The following SPAG1 variants were observed in gnomAD, a reference collection of about 807,000 sequenced individuals.
SPAG1 encodes sperm-associated antigen 1.
SPAG1 carries 69 observed loss-of-function variants against 100.5 expected under a neutral mutation model. The observed-to-expected ratio is 0.69, with a 90% CI of 0.57 to 0.84. SPAG1 has a LOEUF of 0.84. Ranked by LOEUF, SPAG1 falls within the 40% of genes least tolerant of loss-of-function variation. SPAG1 has a pLI of 0.00. For missense variants in SPAG1, 955 were observed against 1,133.1 expected, an observed-to-expected ratio of 0.84 and a Z score of 2.26; for synonymous variants, 336 against 411.6, an observed-to-expected ratio of 0.82 and a Z score of 2.22.
In SPAG1 at chr8:100,240,526, A is replaced by G; in HGVS notation, c.2404A>G (p.Lys802Glu). 6.2e-7 allele frequency: 1 copy of G among 1,614,188 alleles called. No homozygotes were observed. The highest frequency in any genetic ancestry group is 8.5e-7 in the Non-Finnish European group (1 of 1,180,008). ...AGACCCTGAGAAACTTCCGATAGCC[A>G]AGCCTAATAATGCCTATGAATTTGG... ...PEDPEKLPIA[K>E]PNNAYEFGQI... Residue 802 changes from lysine to glutamate, a missense_variant, in exon 18 of 19, where the codon AAG (lysine) becomes GAG (glutamate). Physicochemically the swap from Lys to Glu is moderately conservative, Grantham distance 56. Transcript: ENST00000388798.
intron 4 of SPAG1, among the ~76,000 whole-genome samples, 162 bp downstream of exon 4, chr8:100,178,103 G>A (rs778623918): frequency 4.0e-4 from 61 of 152,162 alleles, no homozygotes; most frequent in Non-Finnish European, 6.3e-4. Flanking sequence ...GAACTATCAC[G>A]TTCTTTACTG....
intron 10 of SPAG1, chr8:100,194,624 G>A: frequency 2.4e-6 from 1 of 413,548 alleles, no homozygotes; most frequent in Non-Finnish European, 4.2e-6. Flanking sequence ...AAATGTGTTG[G>A]TTTCAAAACA....
intron 5 of SPAG1, 81 bp from the exon 6 acceptor site, chr8:100,183,875 A>G (rs922527026): frequency 1.4e-6 from 1 of 693,620 alleles, no homozygotes; most frequent in African/African-American, 1.9e-5. Flanking sequence ...GCATACTTGT[A>G]CAAATATAAG....
Position 100,183,386 on chromosome 8 carries a change from TA to T in SPAG1, c.442del (p.Arg148AspfsTer24). On this transcript the variant is annotated frameshift_variant, in exon 5 of 19. Transcript: ENST00000388798. LOFTEE classifies it high-confidence loss of function. ...TTTTATTCTTTTAGGAAAAATATTC[TA>T]AAAGACCAACTAAAAAGAAAACTCC... ...CLHVGKEKYS[K>X]RPTKKKTPRD... The T allele has an allele frequency of 7.1e-7, 1 of 1,401,792 alleles. No individual in the cohort carries two copies. The highest frequency in any genetic ancestry group is 1.0e-6 in the Non-Finnish European group (1 of 997,868). 86.8% of individuals were successfully genotyped at this position (1,401,792 alleles called of 1,614,324 possible). A position where few individuals can be genotyped will look rare whatever the true frequency, so the allele number is the denominator to read the frequency against.
At chr8:100,188,860 C>T (rs1035816131) in intron 8 of SPAG1, among the ~76,000 whole-genome samples, 15 of 152,150 alleles carry the variant, frequency 9.9e-5, no homozygotes, top group Middle Eastern at 3.2e-3. Flanking sequence ...ATGGATTGCC[C>T]TCCATTTACC....
intron 12 of SPAG1, among the ~76,000 whole-genome samples, chr8:100,216,096 A>T (rs1367354012): frequency 6.6e-6 from 1 of 152,170 alleles, no homozygotes; most frequent in African/African-American, 2.4e-5. Context: ...CCATGAAATG[A>T]GCAAATGCCA....
intron 1 of SPAG1, among the ~76,000 whole-genome samples, chr8:100,160,650 GT>G (rs1213838776): frequency 6.6e-6 from 1 of 151,606 alleles, no homozygotes; most frequent in Non-Finnish European, 1.5e-5. Context: ...AAAAGGAGAG[GT>G]ATGTACAGAG....
intron 10 of SPAG1, among the ~76,000 whole-genome samples, chr8:100,206,017 CAA>C (rs574907013): frequency 3.9e-4 from 30 of 77,326 alleles, no homozygotes; most frequent in African/African-American, 1.5e-3. Context: ...GACTCTGTCT[CAA>C]AAAAAAAAAA....
intron 3 of SPAG1, among the ~76,000 whole-genome samples, chr8:100,173,725 A>G (rs1431926794): frequency 1.3e-5 from 2 of 152,224 alleles, no homozygotes; most frequent in Non-Finnish European, 2.9e-5. Context: ...AATTTACAGT[A>G]TAAGAAGAGA....
intron 10 of SPAG1, among the ~76,000 whole-genome samples, chr8:100,197,169 A>G (rs977152017): frequency 2.6e-5 from 4 of 152,116 alleles, no homozygotes; most frequent in African/African-American, 9.7e-5. Context: ...GAAAGAATAT[A>G]ATTTTTAAGC....
intron 3 of SPAG1, among the ~76,000 whole-genome samples, chr8:100,168,237 T>A (rs1815651532): frequency 6.6e-6 from 1 of 152,190 alleles, no homozygotes; most frequent in Admixed American, 6.5e-5. Context: ...GTCCGTTTTG[T>A]TAGTTTTAGC....
At chr8:100,197,236 T>TA (rs1364888821) in intron 10 of SPAG1, among the ~76,000 whole-genome samples, 3 of 152,110 alleles carry the variant, frequency 2.0e-5, no homozygotes, top group African/African-American at 7.2e-5. Flanking sequence ...GAGGGTTGCT[T>TA]AAGGCCAGAA....
intron 13 of SPAG1, among the ~76,000 whole-genome samples, 157 bp downstream of exon 13, chr8:100,220,588 C>T (rs191119614): frequency 6.6e-6 from 1 of 152,274 alleles, no homozygotes; most frequent in East Asian, 1.9e-4. Flanking sequence ...ATGGTTCTCT[C>T]CCTTAACTTA....
intron 3 of SPAG1, among the ~76,000 whole-genome samples, chr8:100,175,772 A>G (rs934986621): frequency 1.3e-5 from 2 of 152,232 alleles, no homozygotes; most frequent in Non-Finnish European, 2.9e-5. Flanking sequence ...GGCAAGGTAC[A>G]TCCTGACTTC....
At position 100,239,385 on chromosome 8, in the gene SPAG1, G is replaced by T. The variant is rs1156816401; in HGVS notation, c.2261G>T (p.Arg754Met). ...CCATTCAACAAAGAAAAGGAGAGAA[G>T]GAAAATTGAGATTCAAGAGGTATTT... ...TAPFNKEKER[R>M]KIEIQEVNEG... Residue 754 changes from arginine (R) to methionine (M), a missense_variant, in exon 17 of 19, where the codon AGG (arginine) becomes ATG (methionine). Physicochemically the swap from Arg to Met is moderately conservative, Grantham distance 91. Transcript: ENST00000388798. The surrounding 1 kb of genome is among the most constrained non-coding windows in gnomAD (Gnocchi z 5.0). 1 of 1,604,070 alleles carries T rather than the reference G, an allele frequency of 6.2e-7. No individual in the cohort carries two copies. Among genetic ancestry groups the T allele is most frequent in the Non-Finnish European group, 8.5e-7 (1 of 1,171,114 alleles).
At chr8:100,181,306 T>G (rs1475686004) in intron 4 of SPAG1, among the ~76,000 whole-genome samples, 3 of 152,218 alleles carry the variant, frequency 2.0e-5, no homozygotes, top group Non-Finnish European at 4.4e-5. Flanking sequence ...CTACACATTT[T>G]GAAATGCTTA....
Position 100,240,412 on chromosome 8 carries a change from G to A in SPAG1, c.2290G>A (p.Gly764Ser). Residue 764 changes from glycine to serine, a missense_variant, in exon 18 of 19, where the codon GGC becomes AGC. Physicochemically the swap from Gly to Ser is moderately conservative, Grantham distance 56. Transcript: ENST00000388798. ...TCTTTTCTTCATGAAGGTGAATGAA[G>A]GCAAGGAGGAGCCTGGAAGACCTGC... ...RKIEIQEVNE[G>S]KEEPGRPAGE... The A allele has an allele frequency of 1.3e-6, 2 of 1,595,094 alleles. No individual in the cohort carries two copies. The highest frequency in any genetic ancestry group is 1.7e-6 in the Non-Finnish European group (2 of 1,174,180).
At chr8:100,230,875 C>T (rs933877544) in intron 14 of SPAG1, among the ~76,000 whole-genome samples, 9 of 152,154 alleles carry the variant, frequency 5.9e-5, no homozygotes, top group African/African-American at 2.2e-4. Flanking sequence ...CCCGCCTCGG[C>T]CTCCCAAAGT....
intron 10 of SPAG1, chr8:100,194,574 C>G (rs1003292098): frequency 2.8e-5 from 14 of 508,992 alleles, no homozygotes; most frequent in Non-Finnish European, 4.4e-5. Context: ...AAATATCTCT[C>G]TTTGATAATT....
Sources: gnomAD v4.1 joint callset for allele counts (sites outside exome capture counted in the v4.1 genomes callset) on GRCh38, gnomAD v4.1.1 for gene constraint, Gnocchi (gnomAD v3.1) non-coding constraint, MANE v1.5 for transcripts, NCBI Gene and HGNC (gene_info 2026-07-23, HGNC 2026-07-21) for gene names.